The following PRRG1 variants were observed in gnomAD, a reference collection of about 807,000 sequenced individuals.
The protein encoded by PRRG1 is proline rich and Gla domain 1.
In PRRG1, 5 loss-of-function variants were observed where a neutral mutation model predicts 11.8. That is an observed-to-expected ratio of 0.42 (90% confidence interval 0.22 to 0.89). PRRG1 has a LOEUF of 0.89. Ranked by LOEUF, PRRG1 falls within the 40% of genes least tolerant of loss-of-function variation. The pLI is 0.28. For missense variants in PRRG1, 155 were observed against 166.1 expected (o/e 0.93, Z 0.37); for synonymous variants, 66 against 60.4 (o/e 1.09, Z -0.43).
intron 1 of PRRG1, among the ~76,000 whole-genome samples, chrX:37,369,763 G>A (rs782119099): frequency 9.0e-6 from 1 of 111,432 alleles, no homozygotes; most frequent in East Asian, 2.8e-4. Flanking sequence ...AATCATGAGG[G>A]TGGGTCTTTC....
In PRRG1 at chrX:37,384,677, C is replaced by A. The variant is rs782665681; in HGVS notation, c.-41-21532C>A. Among the ~76,000 whole-genome samples, 4 of 111,534 alleles carry A rather than the reference C, an allele frequency of 3.6e-5. No homozygotes were observed. The East Asian group carries it at 1.1e-3, about 31-fold the overall frequency. On this transcript the variant is annotated intron_variant, in intron 1 of 3. Coordinates refer to ENST00000378628, the MANE Select transcript of PRRG1 (RefSeq NM_001142395.2). ...CAAAAGACTTGAAACAGGCACTTCA[C>A]AAAAGATATTCAAAGGGCCAATGTG...
At position 37,404,282 on chromosome X, in the gene PRRG1, C is replaced by G. The variant is rs781881699; in HGVS notation, c.-41-1927C>G. ...GTGTCTTCTTTAAATCCCAATTTAG[C>G]TATATCACTACCCTGTTTAACTCTT... On this transcript the variant is annotated intron_variant, in intron 1 of 3. Coordinates refer to ENST00000378628, the MANE Select transcript of PRRG1 (RefSeq NM_001142395.2). 4.5e-5 allele frequency among the ~76,000 whole-genome samples: 5 copies of G among 112,030 alleles called. No homozygotes were observed. In the South Asian group the frequency reaches 1.9e-3, roughly 42 times the overall value.
At chrX:37,401,436 C>G (rs1294061803) in intron 1 of PRRG1, among the ~76,000 whole-genome samples, 7 of 110,859 alleles carry the variant, frequency 6.3e-5, no homozygotes, top group Admixed American at 3.8e-4. Context: ...ATTCAACAAC[C>G]CTTCATGCTA....
chrX:37,440,330 A>G (rs1932952280), intron 3 of PRRG1, among the ~76,000 whole-genome samples: 1 of 111,611 alleles, frequency 9.0e-6, no homozygotes, highest in African/African-American at 3.3e-5. Flanking sequence ...AGAGAAGAAA[A>G]CCTAATAGAA....
At chrX:37,448,639 G>T (rs1003051773) in intron 3 of PRRG1, among the ~76,000 whole-genome samples, 1 of 111,539 alleles carries the variant, frequency 9.0e-6, no homozygotes, top group Non-Finnish European at 1.9e-5. Context: ...CCAACCTTTG[G>T]TCTTCATCCC....
chrX:37,408,462 A>T (rs1932254089), intron 2 of PRRG1, among the ~76,000 whole-genome samples: 3 of 111,443 alleles, frequency 2.7e-5, no homozygotes, highest in South Asian at 7.7e-4. Flanking sequence ...GTGCAAATGT[A>T]TCCCCATGAT....
intron 3 of PRRG1, among the ~76,000 whole-genome samples, chrX:37,438,574 T>C (rs1036981424): frequency 2.0e-4 from 22 of 108,395 alleles, no homozygotes; most frequent in African/African-American, 7.4e-4. Flanking sequence ...GTAGCTGGGA[T>C]TGAAAGTGCC....
chrX:37,392,996 A>G (rs782506234), intron 1 of PRRG1, among the ~76,000 whole-genome samples: 43 of 111,754 alleles, frequency 3.8e-4, no homozygotes, highest in African/African-American at 1.4e-3. Context: ...GAGTATTTAC[A>G]TATCTGTTGA....
At chrX:37,367,459 C>G in intron 1 of PRRG1, among the ~76,000 whole-genome samples, 1 of 112,063 alleles carries the variant, frequency 8.9e-6, no homozygotes, top group Non-Finnish European at 1.9e-5. Context: ...AAAATGTTAA[C>G]ATAGCAGATC....
At chrX:37,358,893 A>G (rs868913957) in intron 1 of PRRG1, among the ~76,000 whole-genome samples, 1 of 111,661 alleles carries the variant, frequency 9.0e-6, no homozygotes, top group East Asian at 2.8e-4. Context: ...TTTTTTCACC[A>G]GAGTTTTGTG....
chrX:37,402,548 A>G (rs1336094701), intron 1 of PRRG1, among the ~76,000 whole-genome samples: 3 of 111,895 alleles, frequency 2.7e-5, no homozygotes, highest in Non-Finnish European at 5.6e-5. Flanking sequence ...AAACCTAGGC[A>G]TTACCATTCA....
chrX:37,416,496 A>T (rs935547883), intron 2 of PRRG1, among the ~76,000 whole-genome samples: 19 of 112,018 alleles, frequency 1.7e-4, no homozygotes, highest in Non-Finnish European at 2.8e-4. Flanking sequence ...GGGTCCATAA[A>T]CTAGAAAGGA....
chrX:37,386,330 A>C (rs1332713272), intron 1 of PRRG1, among the ~76,000 whole-genome samples: 1 of 111,615 alleles, frequency 9.0e-6, no homozygotes, highest in Non-Finnish European at 1.9e-5. Flanking sequence ...CTGTTGAGGT[A>C]TAATTGTCAT....
intron 1 of PRRG1, among the ~76,000 whole-genome samples, chrX:37,403,146 C>A (rs1287254316): frequency 9.1e-6 from 1 of 109,315 alleles, no homozygotes; most frequent in African/African-American, 3.3e-5. Flanking sequence ...ACCCAAATGA[C>A]TATAAATCAT....
At chrX:37,448,055 T>A (rs1252967142) in intron 3 of PRRG1, among the ~76,000 whole-genome samples, 2 of 112,391 alleles carry the variant, frequency 1.8e-5, no homozygotes, top group Non-Finnish European at 3.8e-5. Flanking sequence ...TCCTCCCACT[T>A]CTTTGGTTCT....
At chrX:37,350,778 A>G (rs1930033855) in intron 1 of PRRG1, among the ~76,000 whole-genome samples, 1 of 111,420 alleles carries the variant, frequency 9.0e-6, no homozygotes, top group South Asian at 3.8e-4. Flanking sequence ...TCTGATCTGA[A>G]GTATACTTAA....
chrX:37,394,083 A>G (rs1398499697), intron 1 of PRRG1, among the ~76,000 whole-genome samples: 2 of 112,539 alleles, frequency 1.8e-5, no homozygotes, highest in African/African-American at 6.5e-5. Flanking sequence ...ATTTAGTTTT[A>G]TCATTTATCA....
intron 3 of PRRG1, among the ~76,000 whole-genome samples, chrX:37,433,154 G>T (rs1932849789): frequency 9.0e-6 from 1 of 111,700 alleles, no homozygotes; most frequent in Non-Finnish European, 1.9e-5. Context: ...AGGTTAGAGT[G>T]ATCCTTTAAA....
chrX:37,418,189 T>G (rs781872336), intron 2 of PRRG1, among the ~76,000 whole-genome samples: 1 of 112,335 alleles, frequency 8.9e-6, no homozygotes, highest in African/African-American at 3.2e-5. Flanking sequence ...CAGGGCCTTT[T>G]TACCATACCA....
Sources: gnomAD v4.1 joint callset for allele counts (sites outside exome capture counted in the v4.1 genomes callset) on GRCh38, gnomAD v4.1.1 for gene constraint, MANE v1.5 for transcripts, NCBI Gene and HGNC (gene_info 2026-07-23, HGNC 2026-07-21) for gene names.